GPC5: variants seen among roughly 807,000 people sequenced by gnomAD.
The protein encoded by GPC5 is glypican-5.
Under a neutral mutation model 53.9 loss-of-function variants are expected in GPC5, and 47 were observed. That is an observed-to-expected ratio of 0.87 (90% confidence interval 0.69 to 1.11). The LOEUF (loss-of-function observed/expected upper bound fraction) is 1.11. Among genes scored for constraint, GPC5 ranks in the 50% most tolerant of loss-of-function variants. The probability of loss-of-function intolerance (pLI) is 0.00; values close to 1 mark genes in which losing one functional copy is unlikely to be tolerated. For synonymous variants in GPC5, 286 were observed against 263.3 expected (o/e 1.09, Z -0.84); for missense variants, 748 against 713.1 (o/e 1.05, Z -0.56).
At chr13:92,281,545 G>A (rs1461285050) in intron 7 of GPC5, among the ~76,000 whole-genome samples, 5 of 152,076 alleles carry the variant, frequency 3.3e-5, no homozygotes, top group South Asian at 2.1e-4. Flanking sequence ...CCTCTGAGAC[G>A]AAGCTTGCAG....
intron 7 of GPC5, among the ~76,000 whole-genome samples, chr13:92,757,179 A>G (rs1400060454): frequency 1.3e-5 from 2 of 152,206 alleles, no homozygotes; most frequent in Non-Finnish European, 2.9e-5. Context: ...ATAACGCCGC[A>G]TATCTACAAC....
At chr13:92,302,980 C>T (rs530120567) in intron 7 of GPC5, among the ~76,000 whole-genome samples, 11 of 152,108 alleles carry the variant, frequency 7.2e-5, no homozygotes, top group Non-Finnish European at 1.0e-4. Flanking sequence ...ACCTTTATTT[C>T]TATTATCCAA....
chr13:92,150,542 A>G (rs558511571), intron 7 of GPC5, among the ~76,000 whole-genome samples: 114 of 152,160 alleles, frequency 7.5e-4, no homozygotes, highest in African/African-American at 2.7e-3. Context: ...ATATTGTATA[A>G]TGGAATGTAG....
At chr13:92,149,584 G>A (rs1250252557) in intron 7 of GPC5, among the ~76,000 whole-genome samples, 1 of 151,960 alleles carries the variant, frequency 6.6e-6, no homozygotes, top group East Asian at 1.9e-4. Context: ...AATGACCTAG[G>A]AAAGAGAATA....
chr13:91,884,043 C>T (rs1054803895), intron 5 of GPC5, among the ~76,000 whole-genome samples: 1 of 152,116 alleles, frequency 6.6e-6, no homozygotes, highest in African/African-American at 2.4e-5. Context: ...ATCAAAACTA[C>T]AGTGAGTTAC....
intron 2 of GPC5, among the ~76,000 whole-genome samples, chr13:91,484,669 A>G (rs1271440073): frequency 6.6e-6 from 1 of 152,112 alleles, no homozygotes; most frequent in Non-Finnish European, 1.5e-5. Context: ...AAGAAGTGAC[A>G]TTTTTCTTCT....
intron 2 of GPC5, among the ~76,000 whole-genome samples, chr13:91,658,503 A>G (rs965576545): frequency 2.0e-5 from 3 of 152,142 alleles, no homozygotes; most frequent in Admixed American, 1.3e-4. Flanking sequence ...AAAATTTTCA[A>G]TCCAATTAGG....
intron 7 of GPC5, among the ~76,000 whole-genome samples, chr13:92,545,525 T>G (rs1055436602): frequency 6.6e-6 from 1 of 152,120 alleles, no homozygotes; most frequent in Non-Finnish European, 1.5e-5. Context: ...AACTAGTTTA[T>G]AGTCCCACCA....
chr13:91,671,716 G>GA (rs972661330), intron 2 of GPC5, among the ~76,000 whole-genome samples: 5 of 84,310 alleles, frequency 5.9e-5, no homozygotes, highest in African/African-American at 1.8e-4. Context: ...CACAGAATTA[G>GA]AAAAAATATT....
At chr13:92,693,512 A>T (rs1488206680) in intron 7 of GPC5, among the ~76,000 whole-genome samples, 1 of 152,172 alleles carries the variant, frequency 6.6e-6, no homozygotes, top group Non-Finnish European at 1.5e-5. Context: ...TGCTTTAGAA[A>T]AGAGACTGGT....
chr13:91,699,013 G>A (rs762865399), intron 3 of GPC5, among the ~76,000 whole-genome samples: 51 of 152,164 alleles, frequency 3.4e-4, no homozygotes, highest in Non-Finnish European at 1.2e-4. Context: ...GGACCCCTGG[G>A]TTAAAGAAAG....
Position 92,145,037 on chromosome 13 carries a change from ATATAAT to A in GPC5, c.1561+51_1561+56del, listed in dbSNP as rs1256865850. ...ACTTTTTTAAAACAATGATTTTGAA[ATATAAT>A]TAAAGATATTGTTATGGATGTAAAG... On this transcript the variant is annotated intron_variant, in intron 7 of 7. Transcript: ENST00000377067. 9 of 1,293,280 alleles carry A rather than the reference ATATAAT, an allele frequency of 7.0e-6. No individual in the cohort carries two copies. The African/African-American group carries it at 1.1e-4, about 16-fold the overall frequency. The allele number at this position is 1,293,280 out of a possible 1,614,324, so 80.1% of individuals were successfully genotyped here. A position where few individuals can be genotyped will look rare whatever the true frequency, so the allele number is the denominator to read the frequency against.
At chr13:91,973,223 T>G (rs906368686) in intron 6 of GPC5, among the ~76,000 whole-genome samples, 2 of 152,212 alleles carry the variant, frequency 1.3e-5, no homozygotes, top group Non-Finnish European at 2.9e-5. Flanking sequence ...CATTTCGTCT[T>G]CCATCACTGA....
chr13:92,842,262 C>T (rs1878453768), intron 7 of GPC5, among the ~76,000 whole-genome samples: 1 of 152,002 alleles, frequency 6.6e-6, no homozygotes, highest in African/African-American at 2.4e-5. Flanking sequence ...CAAGAGATTC[C>T]TGGGTCAGAG....
At chr13:92,140,306 T>C (rs1226442241) in intron 6 of GPC5, among the ~76,000 whole-genome samples, 1 of 152,160 alleles carries the variant, frequency 6.6e-6, no homozygotes, top group Non-Finnish European at 1.5e-5. Context: ...AGATACAATT[T>C]ACAAGCAAAA....
chr13:91,903,126 G>A lies in GPC5; in HGVS notation c.1281-4811G>A, dbSNP rs117503899. Among the ~76,000 whole-genome samples, 10 of 151,780 alleles carry A rather than the reference G, an allele frequency of 6.6e-5. No individual in the cohort carries two copies. In the East Asian group the frequency reaches 1.5e-3, roughly 23 times the overall value. ...CTTCTAGACACTATCTCATAGGGTA[G>A]CTCTTGTGGTGATTTGGAACATAAC... On this transcript the variant is annotated intron_variant, in intron 5 of 7. Transcript: ENST00000377067.
chr13:92,500,824 G>A (rs1251728216), intron 7 of GPC5, among the ~76,000 whole-genome samples: 1 of 152,088 alleles, frequency 6.6e-6, no homozygotes, highest in East Asian at 1.9e-4. Context: ...AGCTTAGAGA[G>A]AGGGCAAAAG....
chr13:92,490,178 T>A (rs1177326812), intron 7 of GPC5: 1 of 154,478 alleles, frequency 6.5e-6, no homozygotes, highest in African/African-American at 2.4e-5. Flanking sequence ...TAATTGCGGG[T>A]TTTGCCGTTG....
chr13:91,514,569 G>A (rs1429517626), intron 2 of GPC5, among the ~76,000 whole-genome samples: 3 of 151,812 alleles, frequency 2.0e-5, no homozygotes, highest in East Asian at 3.9e-4. Context: ...TTCTAAAAAC[G>A]TTATTTCTAA....
Sources: allele counts gnomAD v4.1 joint callset (sites outside exome capture counted in the v4.1 genomes callset), GRCh38; gene constraint gnomAD v4.1.1; transcripts MANE v1.5; gene names NCBI Gene and HGNC (gene_info 2026-07-23, HGNC 2026-07-21).